GLRA1: variants seen among roughly 807,000 people sequenced by gnomAD.
GLRA1 encodes the protein glycine receptor subunit alpha-1.
Under a neutral mutation model 48.3 loss-of-function variants are expected in GLRA1, and 37 were observed. That is an observed-to-expected ratio of 0.77 (90% confidence interval 0.59 to 1.01). The LOEUF (loss-of-function observed/expected upper bound fraction) is 1.01, where lower values mean the gene tolerates loss of function less well. Ranked by LOEUF, GLRA1 falls within the 50% of genes least tolerant of loss-of-function variation. GLRA1 has a pLI of 0.00. For synonymous variants in GLRA1, 196 were observed against 210.7 expected (o/e 0.93, Z 0.60); for missense variants, 427 against 571.0 (o/e 0.75, Z 2.57).
chr5:151,826,045 G>A (rs982667876), intron 8 of GLRA1, among the ~76,000 whole-genome samples: 9 of 152,180 alleles, frequency 5.9e-5, no homozygotes, highest in African/African-American at 1.4e-4. Flanking sequence ...ATGAGATTAC[G>A]TTAATTCAAA....
intron 3 of GLRA1, among the ~76,000 whole-genome samples, chr5:151,869,523 G>C (rs1308184570): frequency 4.0e-5 from 6 of 151,308 alleles, no homozygotes; most frequent in Non-Finnish European, 5.9e-5. Context: ...AGACCAGCCT[G>C]GCCAACATGG....
intron 1 of GLRA1, among the ~76,000 whole-genome samples, chr5:151,913,659 T>A (rs1754670441): frequency 6.6e-6 from 1 of 152,186 alleles, no homozygotes; most frequent in Non-Finnish European, 1.5e-5. Context: ...GTGTTTAGAA[T>A]AATCCCATTT....
chr5:151,849,939 C>A, intron 7 of GLRA1: 1 of 1,561,924 alleles, frequency 6.4e-7, no homozygotes, highest in Non-Finnish European at 8.7e-7. Context: ...TTTTGGGATA[C>A]CTTCAGTAAG....
In GLRA1 at chr5:151,924,534, T is replaced by C. The variant is rs1253894400; in HGVS notation, c.16A>G (p.Thr6Ala). Residue 6 changes from threonine to alanine, a missense_variant, in exon 1 of 9, where the codon ACT becomes GCT. By Grantham distance (58) the Thr-to-Ala change is moderately conservative (BLOSUM62 0). This residue lies in a region of GLRA1 where 271 missense variants were observed against 434.9 expected (regional missense o/e 0.62). Coordinates refer to ENST00000274576, the MANE Select transcript of GLRA1 (RefSeq NM_000171.4). The stretch of plus-strand genomic sequence containing the variant: ...GTCTCCCAAAGGTAGAGTCGAAGAG[T>C]ATTGAAGCTGTACATTTTTCAGGTC... MYSFN[T>A]LRLYLWETIV... 2 of 1,604,236 alleles carry C rather than the reference T, an allele frequency of 1.2e-6. No homozygotes were observed. The highest frequency in any genetic ancestry group is 2.7e-5 in the African/African-American group (2 of 74,578).
chr5:151,883,221 G>A (rs1275965416), intron 3 of GLRA1, among the ~76,000 whole-genome samples: 1 of 152,134 alleles, frequency 6.6e-6, no homozygotes, highest in Non-Finnish European at 1.5e-5. Flanking sequence ...TTCTACTCCA[G>A]GAGACCATCT....
chr5:151,911,899 C>A (rs144512987), intron 1 of GLRA1, among the ~76,000 whole-genome samples: 2 of 151,886 alleles, frequency 1.3e-5, no homozygotes, highest in African/African-American at 2.4e-5. Flanking sequence ...TGAGCCACCG[C>A]GCCCGGCCCC....
chr5:151,851,839 T>C (rs1752922050), intron 6 of GLRA1, among the ~76,000 whole-genome samples: 1 of 152,210 alleles, frequency 6.6e-6, no homozygotes, highest in South Asian at 2.1e-4. Flanking sequence ...AATGAGATGA[T>C]GCTTATGAAA....
intron 8 of GLRA1, among the ~76,000 whole-genome samples, chr5:151,825,421 A>G (rs753535565): frequency 3.3e-5 from 5 of 152,008 alleles, no homozygotes; most frequent in Non-Finnish European, 5.9e-5. Flanking sequence ...TAAACATGGG[A>G]GTAGGAGGAG....
chr5:151,857,841 CT>C (rs1753088460), intron 4 of GLRA1, among the ~76,000 whole-genome samples: 2 of 152,220 alleles, frequency 1.3e-5, no homozygotes, highest in Non-Finnish European at 2.9e-5. Flanking sequence ...AGAAGAAAGG[CT>C]TTCAGAGCCC....
intron 7 of GLRA1, among the ~76,000 whole-genome samples, chr5:151,845,749 A>G (rs1009332269): frequency 2.6e-5 from 4 of 152,234 alleles, no homozygotes; most frequent in Non-Finnish European, 5.9e-5. Context: ...ATGTCCACAC[A>G]AAAACTTGTA....
intron 1 of GLRA1, among the ~76,000 whole-genome samples, chr5:151,913,737 G>T (rs1217618334): frequency 6.6e-6 from 1 of 152,144 alleles, no homozygotes; most frequent in African/African-American, 2.4e-5. Flanking sequence ...ACACTTCCTG[G>T]ATTCCAATCC....
chr5:151,893,213 G>T lies in GLRA1; in HGVS notation c.57-775C>A, dbSNP rs369173650. The stretch of plus-strand genomic sequence containing the variant: ...CACCCCACACCCATTCAACAAAGTG[G>T]CTTTAAGGCCCCATTCACACCACAG... On this transcript the variant is annotated intron_variant, in intron 1 of 8. Coordinates refer to ENST00000274576, the MANE Select transcript of GLRA1 (RefSeq NM_000171.4). 1.8e-4 allele frequency among the ~76,000 whole-genome samples: 27 copies of T among 151,982 alleles called. No individual in the cohort carries two copies. The East Asian group carries it at 3.3e-3, about 18-fold the overall frequency.
chr5:151,910,007 C>A (rs1754571054), intron 1 of GLRA1, among the ~76,000 whole-genome samples: 1 of 152,146 alleles, frequency 6.6e-6, no homozygotes, highest in African/African-American at 2.4e-5. Flanking sequence ...GTTCTGAGCA[C>A]CCAATTTTAT....
At chr5:151,920,711 A>G (rs1032493376) in intron 1 of GLRA1, among the ~76,000 whole-genome samples, 6 of 152,160 alleles carry the variant, frequency 3.9e-5, no homozygotes, top group Non-Finnish European at 7.4e-5. Flanking sequence ...TGATGCTAAT[A>G]CAAACTTGCC....
At chr5:151,878,099 C>CT (rs1435356997) in intron 3 of GLRA1, among the ~76,000 whole-genome samples, 1 of 152,180 alleles carries the variant, frequency 6.6e-6, no homozygotes, top group Non-Finnish European at 1.5e-5. Flanking sequence ...TGTTGAATGG[C>CT]TTTGCCTAGA....
chr5:151,835,027 C>CAAAAAAAAAAAA (rs60718344), intron 7 of GLRA1, among the ~76,000 whole-genome samples: 1 of 52,534 alleles, frequency 1.9e-5, no homozygotes, highest in Non-Finnish European at 3.4e-5. Context: ...GACAACATCT[C>CAAAAAAAAAAAA]AAAAAAAAAA....
intron 3 of GLRA1, among the ~76,000 whole-genome samples, chr5:151,880,042 G>A (rs992010633): frequency 2.0e-5 from 3 of 152,168 alleles, no homozygotes; most frequent in Non-Finnish European, 4.4e-5. Context: ...TGCCATCCAC[G>A]TAAGATGTGA....
chr5:151,918,868 GA>G (rs1168557132), intron 1 of GLRA1, among the ~76,000 whole-genome samples: 4 of 152,022 alleles, frequency 2.6e-5, no homozygotes, highest in African/African-American at 9.7e-5. Flanking sequence ...GACTTATATT[GA>G]GTCCAAATTT....
In GLRA1 at chr5:151,924,596, A is replaced by G. The variant is rs1581672557; in HGVS notation, c.-47T>C. Reference sequence around the variant, plus strand: ...TAGTCCACGAGTTATGGGGGCAAAAATGTTTCAAATTGGCACTTACAAAAC... The same window carrying G: ...TAGTCCACGAGTTATGGGGGCAAAAGTGTTTCAAATTGGCACTTACAAAAC... On this transcript the variant is annotated 5_prime_UTR_variant, in exon 1 of 9. Transcript: ENST00000274576. 2.6e-6 allele frequency: 3 copies of G among 1,176,002 alleles called. No homozygotes were observed. The highest frequency in any genetic ancestry group is 1.9e-4 in the Middle Eastern group (1 of 5,220). The allele number at this position is 1,176,002 out of a possible 1,614,324, so 72.8% of individuals were successfully genotyped here. A position where few individuals can be genotyped will look rare whatever the true frequency, so the allele number is the denominator to read the frequency against.
Sources: allele counts gnomAD v4.1 joint callset (sites outside exome capture counted in the v4.1 genomes callset), GRCh38; gene constraint gnomAD v4.1.1; regional missense constraint gnomAD v4.1.1; transcripts MANE v1.5; gene names NCBI Gene and HGNC (gene_info 2026-07-23, HGNC 2026-07-21).